The following PTPRD variants were observed in gnomAD, a reference collection of about 807,000 sequenced individuals.
PTPRD encodes the protein protein tyrosine phosphatase receptor type D.
Under a neutral mutation model 214.5 loss-of-function variants are expected in PTPRD, and 34 were observed. The ratio of observed to expected loss-of-function variants is 0.16; its 90% CI spans 0.12 to 0.21. The LOEUF is 0.21. Among genes scored for constraint, PTPRD ranks in the 10% least tolerant of loss-of-function variants. The probability of loss-of-function intolerance (pLI) is 1.00; values close to 1 mark genes in which losing one functional copy is unlikely to be tolerated. For synonymous variants in PTPRD, 1,128 were observed against 845.7 expected, an observed-to-expected ratio of 1.33 and a Z score of -5.79; for missense variants, 2,545 against 2,398.7, an observed-to-expected ratio of 1.06 and a Z score of -1.27.
chr9:10,323,978 T>A (rs2096600442), intron 3 of PTPRD, among the ~76,000 whole-genome samples: 1 of 152,026 alleles, frequency 6.6e-6, no homozygotes, highest in African/African-American at 2.4e-5. Flanking sequence ...TAAGAGAAAT[T>A]AAAAATAAAT....
At chr9:8,680,766 T>G (rs888470868) in intron 12 of PTPRD, among the ~76,000 whole-genome samples, 1 of 152,196 alleles carries the variant, frequency 6.6e-6, no homozygotes, top group Non-Finnish European at 1.5e-5. Flanking sequence ...AATTATGATA[T>G]GCATCTGTTG....
At chr9:10,109,236 T>C (rs970411642) in intron 3 of PTPRD, among the ~76,000 whole-genome samples, 1 of 152,226 alleles carries the variant, frequency 6.6e-6, no homozygotes, top group Non-Finnish European at 1.5e-5. Context: ...TTGTTTCTGA[T>C]AGATGACTAC....
chr9:9,653,184 T>TA (rs2154374289), intron 7 of PTPRD, among the ~76,000 whole-genome samples: 2 of 145,928 alleles, frequency 1.4e-5, no homozygotes, highest in East Asian at 4.1e-4. Flanking sequence ...CTACTAAAAA[T>TA]ACAAAAAATT....
intron 10 of PTPRD, among the ~76,000 whole-genome samples, chr9:9,101,606 C>T (rs1296193332): frequency 6.6e-6 from 1 of 152,098 alleles, no homozygotes; most frequent in Non-Finnish European, 1.5e-5. Flanking sequence ...TCTTTTGTAG[C>T]ACCTGATTAA....
intron 12 of PTPRD, among the ~76,000 whole-genome samples, chr9:8,677,259 G>A (rs976031675): frequency 2.6e-5 from 4 of 152,064 alleles, no homozygotes; most frequent in Non-Finnish European, 1.5e-5. Context: ...GCAAAGACAC[G>A]GAATCAACCT....
chr9:10,091,132 C>T (rs149580041), intron 3 of PTPRD, among the ~76,000 whole-genome samples: 2,535 of 151,194 alleles, frequency 0.017, 58 homozygotes, highest in African/African-American at 0.057. Context: ...TTTAAAAATG[C>T]ATAGATTATA....
intron 2 of PTPRD, among the ~76,000 whole-genome samples, chr9:10,389,565 T>C (rs1437563544): frequency 6.6e-6 from 1 of 151,840 alleles, no homozygotes; most frequent in African/African-American, 2.4e-5. Context: ...ACAAAATAAT[T>C]CATATACATT....
intron 3 of PTPRD, among the ~76,000 whole-genome samples, chr9:10,333,696 G>A (rs1412342433): frequency 2.6e-5 from 4 of 151,768 alleles, no homozygotes; most frequent in African/African-American, 7.2e-5. Context: ...GGATATCTAC[G>A]AAGAGTTTAT....
At chr9:10,289,034 T>G (rs951331253) in intron 3 of PTPRD, among the ~76,000 whole-genome samples, 1 of 151,862 alleles carries the variant, frequency 6.6e-6, no homozygotes, top group Non-Finnish European at 1.5e-5. Context: ...TTTTTTTTTT[T>G]TTTATTTCTT....
intron 7 of PTPRD, among the ~76,000 whole-genome samples, chr9:9,662,537 T>C (rs913447738): frequency 1.1e-4 from 16 of 151,686 alleles, no homozygotes; most frequent in African/African-American, 3.4e-4. Flanking sequence ...TTTATGACAT[T>C]TGAAGCAATA....
intron 7 of PTPRD, among the ~76,000 whole-genome samples, chr9:9,631,558 C>T (rs931298396): frequency 2.0e-5 from 3 of 152,100 alleles, no homozygotes; most frequent in East Asian, 1.9e-4. Flanking sequence ...TAAGATTCAG[C>T]AGGTTTCAGA....
chr9:9,639,838 G>C (rs2095879331), intron 7 of PTPRD, among the ~76,000 whole-genome samples: 1 of 152,028 alleles, frequency 6.6e-6, no homozygotes, highest in African/African-American at 2.4e-5. Context: ...ACTCTTTGGT[G>C]ATCTTATTAT....
intron 11 of PTPRD, among the ~76,000 whole-genome samples, chr9:8,786,207 T>A (rs115481646): frequency 3.3e-5 from 5 of 152,158 alleles, no homozygotes; most frequent in African/African-American, 1.2e-4. Flanking sequence ...TCAGAGATAA[T>A]TGAACTTGTT....
In PTPRD at chr9:8,441,951, C is replaced by T. The variant is rs1233143802; in HGVS notation, c.3989-5262G>A. Among the ~76,000 whole-genome samples the T allele has an allele frequency of 2.0e-5, 3 of 151,630 alleles. 1 individual carries two copies. Among genetic ancestry groups the T allele is most frequent in the Non-Finnish European group, 4.4e-5 (3 of 67,872 alleles). On this transcript the variant is annotated intron_variant, in intron 34 of 45. Coordinates refer to ENST00000381196, the MANE Select transcript of PTPRD (RefSeq NM_002839.4). The stretch of plus-strand genomic sequence containing the variant: ...GACAAGTGGTGACATGTACATAAAG[C>T]TGGGTCTTTAAGACTGTTTGGGCTC...
At chr9:8,404,367 G>A (rs995063073) in intron 36 of PTPRD, among the ~76,000 whole-genome samples, 170 bp downstream of exon 36, 46 of 152,118 alleles carry the variant, frequency 3.0e-4, no homozygotes, top group African/African-American at 1.1e-3. Context: ...GACCTCAGGC[G>A]ATCCACCCGC....
At chr9:9,290,862 C>G (rs1344250572) in intron 9 of PTPRD, among the ~76,000 whole-genome samples, 1 of 151,410 alleles carries the variant, frequency 6.6e-6, no homozygotes, top group Non-Finnish European at 1.5e-5. Flanking sequence ...GTGCTGGGCA[C>G]TTCTCTGTTC....
At chr9:9,204,936 C>T (rs138754075) in intron 9 of PTPRD, among the ~76,000 whole-genome samples, 3 of 152,230 alleles carry the variant, frequency 2.0e-5, no homozygotes, top group African/African-American at 7.2e-5. Context: ...TTAGGATACA[C>T]TTCCTCAAGT....
At chr9:8,912,344 A>G (rs1288444696) in intron 11 of PTPRD, among the ~76,000 whole-genome samples, 4 of 152,328 alleles carry the variant, frequency 2.6e-5, no homozygotes, top group African/African-American at 9.6e-5. Flanking sequence ...AACCATTGAT[A>G]AACCCTAAAA....
At chr9:8,482,971 A>G (rs10117452) in intron 30 of PTPRD, among the ~76,000 whole-genome samples, 6,124 of 152,346 alleles carry the variant, frequency 0.04, 417 homozygotes, top group African/African-American at 0.14. Flanking sequence ...TTCTATCATT[A>G]ACGCTTACTA....
Sources: allele counts gnomAD v4.1 joint callset (sites outside exome capture counted in the v4.1 genomes callset), GRCh38; gene constraint gnomAD v4.1.1; transcripts MANE v1.5; gene names NCBI Gene and HGNC (gene_info 2026-07-23, HGNC 2026-07-21).